The following TARBP1 variants were observed in gnomAD, a reference collection of about 807,000 sequenced individuals.
The protein encoded by TARBP1 is tRNA guanosine 2 -O-methyltransferase TARBP1, also known as tRNA (guanosine(18)-2'-O)-methyltransferase TARBP1.
A neutral mutation model predicts 178.6 loss-of-function variants in TARBP1; 144 were observed. The ratio of observed to expected loss-of-function variants is 0.81; its 90% confidence interval spans 0.70 to 0.93. The LOEUF is 0.93. TARBP1 is among the 40% of genes least tolerant of loss of function. TARBP1 has a pLI of 0.00. For synonymous variants in TARBP1, 787 were observed against 781.0 expected, an observed-to-expected ratio of 1.01 and a Z score of -0.13; for missense variants, 2,067 against 2,011.7, an observed-to-expected ratio of 1.03 and a Z score of -0.53.
chr1:234,406,122 C>G, intron 23 of TARBP1, 23 bp from the exon 24 acceptor site: 1 of 1,609,580 alleles, frequency 6.2e-7, no homozygotes, highest in Non-Finnish European at 8.5e-7. Context: ...GCAAAAAATT[C>G]CTCAAAACAC....
chr1:234,434,370 A>C (rs1357257508), intron 13 of TARBP1, among the ~76,000 whole-genome samples: 4 of 152,176 alleles, frequency 2.6e-5, no homozygotes, highest in Non-Finnish European at 5.9e-5. Context: ...GAAGTAATTT[A>C]ATCAGTTTTT....
intron 3 of TARBP1, 50 bp downstream of exon 3, chr1:234,471,138 A>T: frequency 7.3e-7 from 1 of 1,365,720 alleles, no homozygotes; most frequent in African/African-American, 1.5e-5. Flanking sequence ...TTACAAAATC[A>T]GGGGAAAACC....
intron 12 of TARBP1, among the ~76,000 whole-genome samples, chr1:234,438,855 C>T (rs1393854687): frequency 6.6e-6 from 1 of 152,088 alleles, no homozygotes; most frequent in Non-Finnish European, 1.5e-5. Flanking sequence ...AACCAAACTG[C>T]TAAAAACAAG....
Position 234,398,489 on chromosome 1 carries a change from T to A in TARBP1, c.4136A>T (p.Lys1379Ile), listed in dbSNP as rs1398576964. 1 of 1,611,368 alleles carries A rather than the reference T, an allele frequency of 6.2e-7. No individual in the cohort carries two copies. The highest frequency in any genetic ancestry group is 1.1e-5 in the South Asian group (1 of 90,734). ...LIEDEWITID[K>I]FTRFTDVPLA... Reference sequence around the variant, plus strand: ...AGGAACATCAGTGAATCTGGTAAATTTATCAATGGTGATCCATTCATCTTC... The same window carrying A: ...AGGAACATCAGTGAATCTGGTAAATATATCAATGGTGATCCATTCATCTTC... Residue 1379 changes from lysine (K) to isoleucine (I), a missense_variant, in exon 26 of 30, where the codon AAA becomes ATA. Coordinates refer to ENST00000040877, the MANE Select transcript of TARBP1 (RefSeq NM_005646.4).
In TARBP1 at chr1:234,446,791, A is replaced by G; in HGVS notation, c.2134+12T>C. On this transcript the variant is annotated intron_variant, in intron 12 of 29. Transcript: ENST00000040877. ...ATCAAGCAAGATACCAAGAGAAACA[A>G]CTTATCCTCACCATCTTGGGCACTG... is the stretch of plus-strand genomic sequence containing the variant. The G allele has an allele frequency of 1.2e-6, 2 of 1,612,904 alleles. No individual in the cohort carries two copies. Among genetic ancestry groups the G allele is most frequent in the Non-Finnish European group, 1.7e-6 (2 of 1,179,512 alleles).
At chr1:234,454,380 T>G (rs1667083384) in intron 9 of TARBP1, among the ~76,000 whole-genome samples, 1 of 152,194 alleles carries the variant, frequency 6.6e-6, no homozygotes, top group Non-Finnish European at 1.5e-5. Flanking sequence ...CCCTTTAAAC[T>G]CCTTATCTTT....
At chr1:234,461,943 G>A (rs1417545421) in intron 6 of TARBP1, among the ~76,000 whole-genome samples, 6 of 152,126 alleles carry the variant, frequency 3.9e-5, no homozygotes, top group South Asian at 2.1e-4. Flanking sequence ...GATATTACGC[G>A]GACTTTGTGT....
In TARBP1 at chr1:234,467,532, C is replaced by A; in HGVS notation, c.1218G>T (p.Lys406Asn). 6.3e-7 allele frequency: 1 copy of A among 1,595,570 alleles called. No homozygotes were observed. The part of the protein sequence containing the change: ...VIHFLELYET[K>N]ILPFSPEFSE... ...AAAATTCTGGTGAAAATGGAAGAATCTTTGTTTCATACAGCTCCAAAAAAT... is the reference window on the plus strand; with the variant it reads ...AAAATTCTGGTGAAAATGGAAGAATATTTGTTTCATACAGCTCCAAAAAAT... The change falls in exon 4 of 30, where the codon AAG (lysine) becomes AAT (asparagine). Residue 406 changes from lysine (K) to asparagine (N), a missense_variant. Transcript: ENST00000040877.
rs1374187171 is a variant in TARBP1, at chr1:234,465,643, A to G, written c.1301+13T>C. On this transcript the variant is annotated intron_variant, in intron 5 of 29. Transcript: ENST00000040877. ...GTATGTATCAAATACTTCATAACAT[A>G]ATGTCTCTTTACCTGCTATACAGAG... The G allele has an allele frequency of 1.9e-6, 3 of 1,560,322 alleles. No homozygotes were observed. The highest frequency in any genetic ancestry group is 2.6e-6 in the Non-Finnish European group (3 of 1,161,502).
intron 12 of TARBP1, among the ~76,000 whole-genome samples, chr1:234,439,064 A>C: frequency 6.6e-6 from 1 of 152,252 alleles, no homozygotes; most frequent in East Asian, 1.9e-4. Flanking sequence ...AGATATTCTC[A>C]GATGAGGGAA....
intron 22 of TARBP1, among the ~76,000 whole-genome samples, chr1:234,413,637 G>GTA (rs1260035860): frequency 6.6e-6 from 1 of 152,134 alleles, no homozygotes; most frequent in Admixed American, 6.5e-5. Flanking sequence ...GGGATACTCC[G>GTA]AGGAGCATAG....
chr1:234,398,631 AATT>A lies in TARBP1; in HGVS notation c.4072-81_4072-79del, dbSNP rs1355483859. ...ATATATAACATTTAAAATACAACTTAATTATTAATGATATATTCTCCAAACTAT... is the reference window on the plus strand; with the variant it reads ...ATATATAACATTTAAAATACAACTTAATTAATGATATATTCTCCAAACTAT... On this transcript the variant is annotated intron_variant, in intron 25 of 29. Coordinates refer to ENST00000040877, the MANE Select transcript of TARBP1 (RefSeq NM_005646.4). 5.5e-6 allele frequency: 6 copies of A among 1,097,924 alleles called. No homozygotes were observed. In the African/African-American group the frequency reaches 9.5e-5, roughly 17 times the overall value. 68.0% of individuals were successfully genotyped at this position (1,097,924 alleles called of 1,614,324 possible). A position where few individuals can be genotyped will look rare whatever the true frequency, so the allele number is the denominator to read the frequency against.
Position 234,418,088 on chromosome 1 carries a change from GA to G in TARBP1, c.3700del (p.Ser1234LeufsTer15), listed in dbSNP as rs1361170965. 2 of 1,340,536 alleles carry G rather than the reference GA, an allele frequency of 1.5e-6. No homozygotes were observed. The highest frequency in any genetic ancestry group is 1.6e-5 in the South Asian group (1 of 62,570). The allele number at this position is 1,340,536 out of a possible 1,614,324, so 83.0% of individuals were successfully genotyped here. ...QFLPKFWDCF[S>X]YGEENLKTSI... The stretch of plus-strand genomic sequence containing the variant: ...TAAAAAATATTCTTTACTTACATAA[GA>G]AAAACAATCCCAGAACTTTGGAAGA... On this transcript the variant is annotated frameshift_variant, in exon 22 of 30. Transcript: ENST00000040877. LOFTEE classifies it high-confidence loss of function.
intron 12 of TARBP1, among the ~76,000 whole-genome samples, chr1:234,441,756 C>A (rs958238057): frequency 2.0e-5 from 3 of 152,196 alleles, no homozygotes; most frequent in Non-Finnish European, 2.9e-5. Flanking sequence ...TATTTTCTGT[C>A]TCTAGAGATT....
At chr1:234,391,827 T>C (rs368928518) in intron 29 of TARBP1, 82 bp from the exon 30 acceptor site, 14 of 1,424,524 alleles carry the variant, frequency 9.8e-6, no homozygotes, top group African/African-American at 1.4e-5. Context: ...TTTTTGTTTA[T>C]TCACTTATTT....
chr1:234,472,643 T>C, intron 2 of TARBP1, 71 bp downstream of exon 2: 2 of 1,034,524 alleles, frequency 1.9e-6, no homozygotes, highest in Middle Eastern at 3.0e-4. Context: ...TTGTATCGCT[T>C]TTAATGAATG....
In TARBP1 at chr1:234,427,635, A is replaced by AC; in HGVS notation, c.3191_3192insG (p.Asn1064LysfsTer3). ...AAGCCTCAAGGATAAGTTCGCTATA[A>AC]TTTTTAGCACTTGATAAAGATCCTT... On this transcript the variant is annotated frameshift_variant, in exon 18 of 30. Coordinates refer to ENST00000040877, the MANE Select transcript of TARBP1 (RefSeq NM_005646.4). LOFTEE classifies it high-confidence loss of function. The AC allele has an allele frequency of 6.3e-7, 1 of 1,599,224 alleles. No homozygotes were observed. The highest frequency in any genetic ancestry group is 8.5e-7 in the Non-Finnish European group (1 of 1,176,234).
rs778907840 is a variant in TARBP1 at position 234,479,071 on chromosome 1, C to G, written c.33G>C (p.Ser11=). Residue 11 remains serine (S), a synonymous_variant, in exon 1 of 30, where the codon TCG becomes TCC. Transcript: ENST00000040877. The stretch of plus-strand genomic sequence containing the variant: ...GCAGGGCCCGGGGGTCCCGGCTCTG[C>G]GAGAGCAGCGCTTCCGCGAGCACCC... The part of the protein sequence containing the change: MEWVLAEALL[S]QSRDPRALLG... 1 of 1,539,752 alleles carries G rather than the reference C, an allele frequency of 6.5e-7. No individual in the cohort carries two copies. Among genetic ancestry groups the G allele is most frequent in the Admixed American group, 1.9e-5 (1 of 51,672 alleles).
At chr1:234,477,950 C>G (rs1669721605) in intron 1 of TARBP1, among the ~76,000 whole-genome samples, 1 of 152,218 alleles carries the variant, frequency 6.6e-6, no homozygotes, top group Non-Finnish European at 1.5e-5. Context: ...ATTCCACCGG[C>G]TCTGGGTTAG....
Sources: allele counts gnomAD v4.1 joint callset (sites outside exome capture counted in the v4.1 genomes callset), GRCh38; gene constraint gnomAD v4.1.1; transcripts MANE v1.5; gene names NCBI Gene and HGNC (gene_info 2026-07-23, HGNC 2026-07-21).